The following DYNC2LI1 variants were observed in gnomAD, a reference collection of about 807,000 sequenced individuals.
DYNC2LI1 encodes the protein cytoplasmic dynein 2 light intermediate chain 1.
A neutral mutation model predicts 51.9 loss-of-function variants in DYNC2LI1; 45 were observed. That is an observed-to-expected ratio of 0.87 (90% CI 0.68 to 1.11). DYNC2LI1 has a LOEUF of 1.11. Ranked by LOEUF, DYNC2LI1 falls within the 50% of genes most tolerant of loss-of-function variation. The probability of loss-of-function intolerance (pLI) is 0.00; values close to 1 mark genes in which losing one functional copy is unlikely to be tolerated. For synonymous variants in DYNC2LI1, 130 were observed against 137.8 expected (o/e 0.94, Z 0.40); for missense variants, 490 against 417.4 (o/e 1.17, Z -1.51).
chr2:43,805,850 A>G (rs1004776022), intron 12 of DYNC2LI1, among the ~76,000 whole-genome samples: 9 of 151,898 alleles, frequency 5.9e-5, no homozygotes, highest in Admixed American at 5.3e-4. Flanking sequence ...CAAATTCACC[A>G]TCACTCAAAT....
chr2:43,801,502 C>T (rs1572717146), intron 9 of DYNC2LI1, 137 bp from the exon 10 acceptor site: 1 of 532,400 alleles, frequency 1.9e-6, no homozygotes. Flanking sequence ...TTGATAGTCA[C>T]TCATTCATTC....
intron 5 of DYNC2LI1, chr2:43,793,014 C>G: frequency 2.6e-6 from 1 of 383,800 alleles, no homozygotes; most frequent in Non-Finnish European, 4.4e-6. Context: ...TGGGTTTAGA[C>G]TCAGAAGTGG....
At chr2:43,825,978 TTTTG>T in the DYNC2LI1 span, among the ~76,000 whole-genome samples, 11 of 151,672 alleles carry the variant, frequency 7.3e-5, no homozygotes, top group African/African-American at 1.9e-4. Context: ...ACTAACGGTT[TTTTG>T]TTTGTTTGTT....
At chr2:43,827,420 G>T in the DYNC2LI1 span, among the ~76,000 whole-genome samples, 1 of 152,006 alleles carries the variant, frequency 6.6e-6, no homozygotes. Flanking sequence ...GGCCGTCCTG[G>T]TCTACCACAG....
intron 5 of DYNC2LI1, 32 bp downstream of exon 5, chr2:43,789,753 G>A: frequency 6.3e-7 from 1 of 1,576,006 alleles, no homozygotes; most frequent in Non-Finnish European, 8.7e-7. Flanking sequence ...AAACCTGTAA[G>A]TACACAGGAG....
chr2:43,795,220 G>A, intron 6 of DYNC2LI1: 1 of 986,098 alleles, frequency 1.0e-6, no homozygotes, highest in Non-Finnish European at 1.2e-6. Context: ...TTATAAGAAA[G>A]TGTAGCAGGG....
chr2:43,818,145 A>T, the DYNC2LI1 span, among the ~76,000 whole-genome samples: 2,048 of 152,198 alleles, frequency 0.013, 55 homozygotes, highest in African/African-American at 0.047. Flanking sequence ...GGATGATTGT[A>T]TGGCTACTCA....
chr2:43,802,229 A>T (rs896524447), intron 10 of DYNC2LI1, among the ~76,000 whole-genome samples: 1 of 152,148 alleles, frequency 6.6e-6, no homozygotes, highest in Non-Finnish European at 1.5e-5. Context: ...TAGGCTTCTG[A>T]ATCAAAAGGA....
chr2:43,803,290 A>C (rs1666133939), intron 10 of DYNC2LI1, among the ~76,000 whole-genome samples: 1 of 152,184 alleles, frequency 6.6e-6, no homozygotes, highest in Non-Finnish European at 1.5e-5. Flanking sequence ...TCAGCAGGTG[A>C]GTGACTAAAC....
At chr2:43,791,269 A>G (rs1421101928) in intron 5 of DYNC2LI1, among the ~76,000 whole-genome samples, 2 of 152,114 alleles carry the variant, frequency 1.3e-5, no homozygotes, top group African/African-American at 4.8e-5. Context: ...TTCCAGTTAC[A>G]GTGGCCAGAG....
At chr2:43,801,817 T>G (rs1479539117) in intron 10 of DYNC2LI1, 108 bp downstream of exon 10, 1 of 743,594 alleles carries the variant, frequency 1.3e-6, no homozygotes, top group East Asian at 2.8e-5. Context: ...GGTTTCATTA[T>G]CATTGCTGTT....
At chr2:43,799,614 C>T (rs1666008434) in intron 8 of DYNC2LI1, among the ~76,000 whole-genome samples, 1 of 152,088 alleles carries the variant, frequency 6.6e-6, no homozygotes, top group Admixed American at 6.6e-5. Flanking sequence ...GATGAGTTTC[C>T]AGGCATTGAG....
intron 2 of DYNC2LI1, among the ~76,000 whole-genome samples, chr2:43,781,394 G>A (rs1002983901): frequency 6.6e-6 from 1 of 151,718 alleles, no homozygotes; most frequent in Non-Finnish European, 1.5e-5. Flanking sequence ...AGGCGAGGGG[G>A]AGTGATTTAA....
chr2:43,825,763 C>T, the DYNC2LI1 span, among the ~76,000 whole-genome samples: 42 of 152,212 alleles, frequency 2.8e-4, no homozygotes, highest in East Asian at 6.6e-3. Flanking sequence ...CACACCACCA[C>T]GCCCAACTAT....
the DYNC2LI1 span, chr2:43,824,739 T>C: frequency 2.1e-6 from 3 of 1,445,316 alleles, no homozygotes; most frequent in Non-Finnish European, 2.8e-6. Flanking sequence ...GGCAAGTTCA[T>C]TGACCCGGCC....
intron 8 of DYNC2LI1, among the ~76,000 whole-genome samples, chr2:43,799,920 A>G (rs1359975012): frequency 1.3e-5 from 2 of 152,238 alleles, no homozygotes; most frequent in Non-Finnish European, 2.9e-5. Context: ...TTACATATAC[A>G]TGAGTATTCT....
intron 12 of DYNC2LI1, among the ~76,000 whole-genome samples, chr2:43,806,538 G>T (rs898934798): frequency 2.6e-5 from 4 of 152,208 alleles, no homozygotes; most frequent in Non-Finnish European, 4.4e-5. Flanking sequence ...ACAGGAAAAT[G>T]ACCTTATGTA....
At chr2:43,792,912 T>C in intron 5 of DYNC2LI1, 1 of 1,153,308 alleles carries the variant, frequency 8.7e-7, no homozygotes, top group South Asian at 2.1e-5. Flanking sequence ...ATGCAGAACA[T>C]TTGGGTTGTT....
the DYNC2LI1 span, chr2:43,824,477 CATGT>C: frequency 3.5e-5 from 56 of 1,605,128 alleles, no homozygotes; most frequent in Non-Finnish European, 4.6e-5. Context: ...TTTTTAAATG[CATGT>C]ATGTACATGG....
Sources: gnomAD v4.1 joint callset for allele counts (sites outside exome capture counted in the v4.1 genomes callset) on GRCh38, gnomAD v4.1.1 for gene constraint, MANE v1.5 for transcripts, NCBI Gene and HGNC (gene_info 2026-07-23, HGNC 2026-07-21) for gene names.